ERBB4: variants seen among roughly 807,000 people sequenced by gnomAD.
ERBB4 encodes receptor tyrosine-protein kinase erbB-4.
A neutral mutation model predicts 158.0 loss-of-function variants in ERBB4; 42 were observed. That is an observed-to-expected ratio of 0.27 (90% CI 0.21 to 0.34). ERBB4 has a LOEUF of 0.34. ERBB4 is among the 10% of genes least tolerant of loss of function. The pLI is 1.00. For missense variants in ERBB4, 1,333 were observed against 1,624.1 expected (o/e 0.82, Z 3.08); for synonymous variants, 583 against 558.7 (o/e 1.04, Z -0.61).
At chr2:212,457,589 T>C (rs1574956569) in intron 1 of ERBB4, among the ~76,000 whole-genome samples, 2 of 152,200 alleles carry the variant, frequency 1.3e-5, no homozygotes, top group South Asian at 2.1e-4. Flanking sequence ...TATCACTCTA[T>C]TGGCATAATT....
chr2:212,063,734 G>C (rs1307975325), intron 2 of ERBB4, among the ~76,000 whole-genome samples: 1 of 152,060 alleles, frequency 6.6e-6, no homozygotes, highest in Non-Finnish European at 1.5e-5. Context: ...CCATAAATAG[G>C]TTAAATATAG....
In ERBB4 at chr2:212,301,135, T is replaced by A. The variant is rs1184047217; in HGVS notation, c.83-176232A>T. ...GCATTGATATGCTTTTTTTTTTTTT[T>A]AGCACTTTCAAAACATTATAAACCT... On this transcript the variant is annotated intron_variant, in intron 1 of 27. Transcript: ENST00000342788. Among the ~76,000 whole-genome samples, 6 of 142,386 alleles carry A rather than the reference T, an allele frequency of 4.2e-5. 1 individual carries two copies. Among genetic ancestry groups the A allele is most frequent in the African/African-American group, 1.2e-4 (5 of 40,242 alleles). 93.4% of individuals were successfully genotyped at this position (142,386 alleles called of 152,430 possible).
intron 7 of ERBB4, 101 bp downstream of exon 7, chr2:211,722,292 T>A: frequency 2.0e-6 from 2 of 981,858 alleles, no homozygotes; most frequent in Non-Finnish European, 3.2e-6. Context: ...AAAGTACTTA[T>A]AATATTCTTA....
At chr2:212,373,368 A>G (rs970156222) in intron 1 of ERBB4, among the ~76,000 whole-genome samples, 2 of 152,078 alleles carry the variant, frequency 1.3e-5, no homozygotes, top group African/African-American at 4.8e-5. Context: ...TAAATTATTA[A>G]TCAGATTATA....
At chr2:212,471,384 A>G (rs767934171) in intron 1 of ERBB4, among the ~76,000 whole-genome samples, 3 of 152,118 alleles carry the variant, frequency 2.0e-5, no homozygotes, top group Admixed American at 6.5e-5. Flanking sequence ...ACAAATAGAA[A>G]TCCATTAATA....
intron 3 of ERBB4, among the ~76,000 whole-genome samples, chr2:211,790,627 C>T (rs2076258185): frequency 6.6e-6 from 1 of 151,994 alleles, no homozygotes; most frequent in Non-Finnish European, 1.5e-5. Flanking sequence ...CCAGCATAAT[C>T]TTACACGTTA....
intron 5 of ERBB4, among the ~76,000 whole-genome samples, chr2:211,729,505 AT>A (rs1165105925): frequency 2.0e-5 from 3 of 151,772 alleles, no homozygotes; most frequent in South Asian, 2.1e-4. Context: ...GTTAAAAAAA[AT>A]ATTTCTTTAT....
chr2:212,058,460 T>C (rs543050736), intron 2 of ERBB4, among the ~76,000 whole-genome samples: 28 of 152,286 alleles, frequency 1.8e-4, no homozygotes, highest in South Asian at 4.1e-4. Flanking sequence ...ATCATCCTGA[T>C]ACCAAAGCCT....
intron 1 of ERBB4, among the ~76,000 whole-genome samples, chr2:212,461,073 G>C (rs1306511458): frequency 6.6e-6 from 1 of 152,192 alleles, no homozygotes; most frequent in Non-Finnish European, 1.5e-5. Context: ...TGCAGGGGAA[G>C]GGCTCTCATA....
chr2:211,479,771 TTGGGGCAAAATAC>T (rs1464370427), intron 20 of ERBB4, among the ~76,000 whole-genome samples: 2 of 152,258 alleles, frequency 1.3e-5, no homozygotes, highest in East Asian at 1.9e-4. Flanking sequence ...TCACAATGTT[TTGGGGCAAAATAC>T]TGGGGCAAAA....
At chr2:212,141,871 C>T (rs1392331008) in intron 1 of ERBB4, among the ~76,000 whole-genome samples, 2 of 152,136 alleles carry the variant, frequency 1.3e-5, no homozygotes, top group East Asian at 1.9e-4. Context: ...AACAATTTTA[C>T]ATCTTTTAAC....
intron 1 of ERBB4, among the ~76,000 whole-genome samples, chr2:212,439,561 T>C (rs2092209854): frequency 6.6e-6 from 1 of 152,192 alleles, no homozygotes; most frequent in Non-Finnish European, 1.5e-5. Flanking sequence ...AGCTTTGGTA[T>C]TTTAATTTAA....
At chr2:212,170,579 G>GA (rs1221193727) in intron 1 of ERBB4, among the ~76,000 whole-genome samples, 8 of 152,110 alleles carry the variant, frequency 5.3e-5, no homozygotes, top group African/African-American at 1.9e-4. Context: ...GGCCAAGGAG[G>GA]AAAAAATGGT....
intron 20 of ERBB4, among the ~76,000 whole-genome samples, chr2:211,503,280 A>T (rs2065661560): frequency 6.6e-6 from 1 of 152,234 alleles, no homozygotes; most frequent in African/African-American, 2.4e-5. Flanking sequence ...ATTCTGCATC[A>T]TGCCCTAAGC....
intron 2 of ERBB4, among the ~76,000 whole-genome samples, chr2:212,053,592 C>A (rs772106349): frequency 6.6e-6 from 1 of 152,322 alleles, no homozygotes; most frequent in East Asian, 1.9e-4. Flanking sequence ...TCCAGTTTAA[C>A]ACCCTTCAAA....
intron 5 of ERBB4, among the ~76,000 whole-genome samples, chr2:211,727,806 A>G (rs2074313113): frequency 6.6e-6 from 1 of 152,034 alleles, no homozygotes; most frequent in African/African-American, 2.4e-5. Flanking sequence ...TACAAACATC[A>G]AATAAAGTTT....
At chr2:211,907,062 T>C (rs946148385) in intron 3 of ERBB4, among the ~76,000 whole-genome samples, 7 of 151,806 alleles carry the variant, frequency 4.6e-5, no homozygotes, top group Non-Finnish European at 1.0e-4. Flanking sequence ...ATAACAGAGT[T>C]GTCCTACCAG....
At chr2:211,732,561 A>G (rs1004837997) in intron 5 of ERBB4, among the ~76,000 whole-genome samples, 2 of 152,224 alleles carry the variant, frequency 1.3e-5, no homozygotes, top group African/African-American at 4.8e-5. Context: ...CACATGTAAA[A>G]TAACTGTTTA....
chr2:212,034,990 C>T (rs753279735), intron 2 of ERBB4, among the ~76,000 whole-genome samples: 9 of 152,086 alleles, frequency 5.9e-5, no homozygotes, highest in African/African-American at 1.2e-4. Flanking sequence ...CATTATTTCC[C>T]GCTGACAAGC....
Sources: gnomAD v4.1 joint callset for allele counts (sites outside exome capture counted in the v4.1 genomes callset) on GRCh38, gnomAD v4.1.1 for gene constraint, MANE v1.5 for transcripts, NCBI Gene and HGNC (gene_info 2026-07-23, HGNC 2026-07-21) for gene names.